UNK: variants seen among roughly 807,000 people sequenced by gnomAD.
UNK encodes the protein unk zinc finger, also known as RING finger protein unkempt homolog.
Under a neutral mutation model 97.6 loss-of-function variants are expected in UNK, and 32 were observed. That is an observed-to-expected ratio of 0.33 (90% confidence interval 0.25 to 0.44). The LOEUF is 0.44. UNK is among the 20% of genes least tolerant of loss of function. The pLI is 1.00. For missense variants in UNK, 771 were observed against 1,098.4 expected (o/e 0.70, Z 4.21); for synonymous variants, 441 against 461.2 (o/e 0.96, Z 0.56).
intron 1 of UNK, among the ~76,000 whole-genome samples, chr17:75,806,578 C>G (rs2061920141): frequency 6.6e-6 from 1 of 151,976 alleles, no homozygotes. Context: ...TCGAGACCAG[C>G]CTGGCCAACA....
chr17:75,796,391 T>C (rs1421347857), intron 1 of UNK, among the ~76,000 whole-genome samples: 1 of 151,514 alleles, frequency 6.6e-6, no homozygotes, highest in Non-Finnish European at 1.5e-5. Context: ...TAATCATAGC[T>C]CACTGCAGCC....
chr17:75,811,129 TTAG>T (rs2061965446), intron 2 of UNK, among the ~76,000 whole-genome samples: 1 of 151,946 alleles, frequency 6.6e-6, no homozygotes, highest in African/African-American at 2.4e-5. Flanking sequence ...TTTTGTATTT[TTAG>T]TAGAGACGGG....
At chr17:75,786,958 A>C (rs552277167) in intron 1 of UNK, among the ~76,000 whole-genome samples, 1 of 152,234 alleles carries the variant, frequency 6.6e-6, no homozygotes, top group Admixed American at 6.5e-5. Flanking sequence ...TAGGAAATCA[A>C]CAGGAGTAGG....
chr17:75,819,751 C>T lies in UNK; in HGVS notation c.1614C>T (p.Asn538=). 1 of 1,613,884 alleles carries T rather than the reference C, an allele frequency of 6.2e-7. No individual in the cohort carries two copies. Among genetic ancestry groups the T allele is most frequent in the Non-Finnish European group, 8.5e-7 (1 of 1,179,886 alleles). Residue 538 remains asparagine (N), a synonymous_variant, in exon 12 of 16, where the codon AAC becomes AAT. Transcript: ENST00000589666. This position sits in a 1 kb window ranked among gnomAD's most constrained non-coding sequence, Gnocchi z 5.4. ...GVAALEKTFD[N]STVPHPGSIT... ...CCGCCCTGGAGAAGACTTTCGATAA[C>T]AGCACAGTGCCCCACCCAGGAAGCA...
At position 75,802,340 on chromosome 17, in the gene UNK, C is replaced by T. The variant is rs1218090218; in HGVS notation, c.105-7420C>T. Among the ~76,000 whole-genome samples, 4 of 134,434 alleles carry T rather than the reference C, an allele frequency of 3.0e-5. No homozygotes were observed. The East Asian group carries it at 7.3e-4, about 24-fold the overall frequency. 88.2% of individuals were successfully genotyped at this position (134,434 alleles called of 152,430 possible). ...GTGGTGCAACCGTAGCTCACTGCAA[C>T]CTCAAACTCTTGGGTTTAGTGATCC... On this transcript the variant is annotated intron_variant, in intron 1 of 15. Transcript: ENST00000589666.
rs537967398 is a variant in UNK at position 75,806,642 on chromosome 17, G to A, written c.105-3118G>A. Among the ~76,000 whole-genome samples, 21 of 145,854 alleles carry A rather than the reference G, an allele frequency of 1.4e-4. No individual in the cohort carries two copies. The East Asian group carries it at 3.1e-3, about 22-fold the overall frequency. On this transcript the variant is annotated intron_variant, in intron 1 of 15. Transcript: ENST00000589666. ...GAAAACATTAGCTGGGCGTGGTGGC[G>A]GGTGCCTGTAATCCCAGCTACTAGG...
chr17:75,824,140 A>G lies in UNK; in HGVS notation c.2278-122A>G, dbSNP rs953295119. ...CCTGCCAACAGGGGTCTGGGAGCACACTGTTGAGCTCGGTACCTCAGTTTT... is the reference window on the plus strand; with the variant it reads ...CCTGCCAACAGGGGTCTGGGAGCACGCTGTTGAGCTCGGTACCTCAGTTTT... On this transcript the variant is annotated intron_variant, in intron 15 of 15. Transcript: ENST00000589666. This position sits in a 1 kb window ranked among gnomAD's most constrained non-coding sequence, Gnocchi z 4.9. 4.1e-6 allele frequency: 5 copies of G among 1,228,092 alleles called. No individual in the cohort carries two copies. Among genetic ancestry groups the G allele is most frequent in the Non-Finnish European group, 5.4e-6 (5 of 925,568 alleles). The allele number at this position is 1,228,092 out of a possible 1,614,324, so 76.1% of individuals were successfully genotyped here. A position where few individuals can be genotyped will look rare whatever the true frequency, so the allele number is the denominator to read the frequency against.
At chr17:75,790,010 G>T (rs2061749117) in intron 1 of UNK, among the ~76,000 whole-genome samples, 1 of 152,106 alleles carries the variant, frequency 6.6e-6, no homozygotes, top group Admixed American at 6.5e-5. Flanking sequence ...GGGCATGGTG[G>T]CGGGCGCCTG....
At chr17:75,792,384 G>A (rs1191769751) in intron 1 of UNK, 5 of 985,198 alleles carry the variant, frequency 5.1e-6, no homozygotes, top group African/African-American at 1.7e-5. Flanking sequence ...TGCAACTATG[G>A]ACAGTTATGG....
chr17:75,787,623 C>T (rs972221948), intron 1 of UNK, among the ~76,000 whole-genome samples: 1 of 151,148 alleles, frequency 6.6e-6, no homozygotes, highest in Non-Finnish European at 1.5e-5. Context: ...GTCAGGAGTT[C>T]GAGACCAACC....
intron 1 of UNK, chr17:75,809,136 T>C (rs2061945461): frequency 1.3e-5 from 2 of 151,974 alleles, no homozygotes; most frequent in African/African-American, 4.8e-5. Context: ...AACTTCAGTA[T>C]GAGATTTTCC....
At chr17:75,792,284 T>G (rs1242716781) in intron 1 of UNK, 1 of 977,080 alleles carries the variant, frequency 1.0e-6, no homozygotes, top group Non-Finnish European at 1.2e-6. Context: ...TAAGTTTTTT[T>G]GTTTTTGTTT....
rs1235873863 is a variant in UNK, at chr17:75,820,074, A to G, written c.1803A>G (p.Thr601=). 4.3e-6 allele frequency: 7 copies of G among 1,613,192 alleles called. No homozygotes were observed. The highest frequency in any genetic ancestry group is 1.7e-5 in the Admixed American group (1 of 59,904). The change falls in exon 13 of 16, where the codon ACA becomes ACG. Residue 601 remains threonine (T), a synonymous_variant. Coordinates refer to ENST00000589666, the MANE Select transcript of UNK (RefSeq NM_001080419.3). ...GCCACCTGAGTCAGTCGGAAAACAC[A>G]TTTTTGGGAACCTCAGCATCACATG... ...PQGHLSQSEN[T]FLGTSASHGS... is the part of the protein sequence containing the mutation.
chr17:75,814,511 A>AG (rs2061999841), intron 6 of UNK, among the ~76,000 whole-genome samples: 1 of 149,048 alleles, frequency 6.7e-6, no homozygotes, highest in Non-Finnish European at 1.5e-5. Context: ...AAAAAAAAAA[A>AG]GGATTGAAAA....
chr17:75,809,800 G>C lies in UNK; in HGVS notation c.145G>C (p.Val49Leu). The C allele has an allele frequency of 6.2e-7, 1 of 1,613,156 alleles. No homozygotes were observed. The highest frequency in any genetic ancestry group is 8.5e-7 in the Non-Finnish European group (1 of 1,179,574). ...EFRTEQCPLF[V>L]QHKCTQHRPY... Reference sequence around the variant, plus strand: ...CCGCACAGAGCAGTGCCCACTCTTTGTGCAACACAAATGCACGCAGCATCG... The same window carrying C: ...CCGCACAGAGCAGTGCCCACTCTTTCTGCAACACAAATGCACGCAGCATCG... Residue 49 changes from valine to leucine, a missense_variant, in exon 2 of 16, where the codon GTG becomes CTG. By Grantham distance (32) the Val-to-Leu change is conservative. Around this residue, in one of 5 missense-constraint regions of UNK, gnomAD observed 246 missense variants for 440.7 expected, o/e 0.56. Coordinates refer to ENST00000589666, the MANE Select transcript of UNK (RefSeq NM_001080419.3).
intron 13 of UNK, chr17:75,821,416 G>C (rs770273493): frequency 1.8e-5 from 8 of 454,658 alleles, no homozygotes; most frequent in South Asian, 6.2e-5. Flanking sequence ...CTGGACAGCA[G>C]AGTCAGGAGA....
At chr17:75,823,128 C>T (rs1390135697) in intron 14 of UNK, 137 bp from the exon 15 acceptor site, 2 of 1,378,024 alleles carry the variant, frequency 1.5e-6, no homozygotes, top group African/African-American at 1.5e-5. Context: ...CATCAGCCTC[C>T]TCCTTGCCCT....
At position 75,824,200 on chromosome 17, in the gene UNK, ACTC is replaced by A; in HGVS notation, c.2278-58_2278-56del. On this transcript the variant is annotated intron_variant, in intron 15 of 15. Coordinates refer to ENST00000589666, the MANE Select transcript of UNK (RefSeq NM_001080419.3). The surrounding 1 kb of genome is among the most constrained non-coding windows in gnomAD (Gnocchi z 4.9). Reference sequence around the variant, plus strand: ...AGGGGCTGCAGTGAGGATCAAGGGAACTCCTCGCTCAACTTGGGGCCAGACCCA... The same window carrying A: ...AGGGGCTGCAGTGAGGATCAAGGGAACTCGCTCAACTTGGGGCCAGACCCA... 2 of 1,482,706 alleles carry A rather than the reference ACTC, an allele frequency of 1.3e-6. No homozygotes were observed. Among genetic ancestry groups the A allele is most frequent in the Non-Finnish European group, 1.8e-6 (2 of 1,109,474 alleles). 91.8% of individuals were successfully genotyped at this position (1,482,706 alleles called of 1,614,324 possible).
At chr17:75,798,450 C>G (rs1245413107) in intron 1 of UNK, among the ~76,000 whole-genome samples, 1 of 152,054 alleles carries the variant, frequency 6.6e-6, no homozygotes, top group Admixed American at 6.6e-5. Flanking sequence ...GGTGATCTAC[C>G]CACCTTGGCC....
Sources: gnomAD v4.1 joint callset for allele counts (sites outside exome capture counted in the v4.1 genomes callset) on GRCh38, gnomAD v4.1.1 for gene constraint, gnomAD v4.1.1 regional missense constraint, Gnocchi (gnomAD v3.1) non-coding constraint, MANE v1.5 for transcripts, NCBI Gene and HGNC (gene_info 2026-07-23, HGNC 2026-07-21) for gene names.